Variants in CEP41 observed in about 807,000 individuals in gnomAD.
CEP41 encodes centrosomal protein of 41 kDa.
A neutral mutation model predicts 44.3 loss-of-function variants in CEP41; 32 were observed. The observed-to-expected ratio is 0.72, with a 90% CI of 0.54 to 0.97. The LOEUF is 0.97. CEP41 is among the 50% of genes least tolerant of loss of function. The pLI is 0.00. For missense variants in CEP41, 432 were observed against 455.2 expected, an observed-to-expected ratio of 0.95 and a Z score of 0.46; for synonymous variants, 151 against 168.5, an observed-to-expected ratio of 0.90 and a Z score of 0.80.
intron 2 of CEP41, chr7:130,421,742 T>C: frequency 6.7e-6 from 8 of 1,198,746 alleles, no homozygotes; most frequent in Non-Finnish European, 8.3e-6. Context: ...AATTGGAAAT[T>C]AGATTGAATA....
chr7:130,421,433 T>A, intron 2 of CEP41: 2 of 985,396 alleles, frequency 2.0e-6, no homozygotes, highest in Non-Finnish European at 2.4e-6. Context: ...CCTCAATAAG[T>A]GATATGTGTG....
At chr7:130,417,037 TG>T in intron 2 of CEP41, 71 bp from the exon 3 acceptor site, 3 of 1,383,564 alleles carry the variant, frequency 2.2e-6, no homozygotes, top group Non-Finnish European at 3.1e-6. Flanking sequence ...GGAAACAGAA[TG>T]GAGGAAAAGT....
At chr7:130,430,198 A>G (rs1797783108) in intron 1 of CEP41, among the ~76,000 whole-genome samples, 1 of 152,180 alleles carries the variant, frequency 6.6e-6, no homozygotes, top group Non-Finnish European at 1.5e-5. Flanking sequence ...AACTAGAGGC[A>G]CCTTTTAATA....
At chr7:130,425,186 G>A (rs974012004) in intron 2 of CEP41, among the ~76,000 whole-genome samples, 11 of 152,160 alleles carry the variant, frequency 7.2e-5, no homozygotes, top group African/African-American at 2.7e-4. Flanking sequence ...CAGCCAAGGC[G>A]GGTGGATCAC....
At chr7:130,440,863 T>C in intron 1 of CEP41, 71 bp downstream of exon 1, 1 of 1,470,048 alleles carries the variant, frequency 6.8e-7, no homozygotes, top group Non-Finnish European at 9.2e-7. Context: ...CTGGCTGCTC[T>C]TCCCTGCCCA....
At chr7:130,428,102 T>C in intron 1 of CEP41, 84 bp from the exon 2 acceptor site, 1 of 988,766 alleles carries the variant, frequency 1.0e-6, no homozygotes, top group Non-Finnish European at 1.6e-6. Flanking sequence ...ACTTTAAAAA[T>C]GGAAAAAAAG....
chr7:130,400,073 A>G lies in CEP41; in HGVS notation c.939T>C (p.Tyr313=). The change falls in exon 10 of 11, where the codon TAT becomes TAC. Residue 313 remains tyrosine (Y), a synonymous_variant. Transcript: ENST00000223208. ...CTGCAGGCCCTTGCTCCTCTTCCAG[A>G]TAATATTCTATCTTTTTTAAGTCTT... ...TPEDLKKIEY[Y]LEEEQGPADH... is the part of the protein sequence containing the mutation. 6.2e-7 allele frequency: 1 copy of G among 1,612,494 alleles called. No homozygotes were observed. Among genetic ancestry groups the G allele is most frequent in the Non-Finnish European group, 8.5e-7 (1 of 1,179,402 alleles).
rs782776244 is a variant in CEP41, at chr7:130,412,222, T to A, written c.164A>T (p.Asp55Val). Residue 55 changes from aspartate to valine, a missense_variant, in exon 4 of 11, where the codon GAT becomes GTT. Asp to Val is a radical substitution (Grantham distance 152). Coordinates refer to ENST00000223208, the MANE Select transcript of CEP41 (RefSeq NM_018718.3). ...EIKKNYRYKK[D>V]ELFKRLKVTT... is the part of the protein sequence containing the mutation. ...AACTTTTAGTCTCTTGAAAAGCTCA[T>A]CTTTTTTGTATCTATAATCTGAAAA... The A allele has an allele frequency of 2.6e-6, 4 of 1,551,382 alleles. No individual in the cohort carries two copies. The African/African-American group carries it at 4.1e-5, about 16-fold the overall frequency.
chr7:130,406,672 C>T (rs1797019998), intron 5 of CEP41, among the ~76,000 whole-genome samples: 1 of 151,826 alleles, frequency 6.6e-6, no homozygotes, highest in Non-Finnish European at 1.5e-5. Flanking sequence ...GATAACGTAC[C>T]TAGAAATTTT....
chr7:130,398,916 T>A lies in CEP41; in HGVS notation c.1097A>T (p.His366Leu). ...TTACTTCCAGGGTTTGCCTTGCAGG[T>A]GACCACTGCTGAGGGAGCGGGGGTT... The part of the protein sequence containing the change: ...HSNPRSLSSG[H>L]LQGKPWK The change falls in exon 11 of 11, where the codon CAC becomes CTC. Residue 366 changes from histidine to leucine, a missense_variant. Coordinates refer to ENST00000223208, the MANE Select transcript of CEP41 (RefSeq NM_018718.3). 1 of 1,614,242 alleles carries A rather than the reference T, an allele frequency of 6.2e-7. No homozygotes were observed. The highest frequency in any genetic ancestry group is 8.5e-7 in the Non-Finnish European group (1 of 1,180,040).
chr7:130,435,819 T>C (rs1339931978), intron 1 of CEP41, among the ~76,000 whole-genome samples: 1 of 152,144 alleles, frequency 6.6e-6, no homozygotes, highest in Non-Finnish European at 1.5e-5. Flanking sequence ...AGCCCAAAAC[T>C]GATGACAACC....
intron 7 of CEP41, 83 bp downstream of exon 7, chr7:130,402,565 G>T: frequency 6.9e-7 from 1 of 1,441,514 alleles, no homozygotes; most frequent in Non-Finnish European, 9.8e-7. Flanking sequence ...GTCTACCATG[G>T]GCTGTGGTTC....
rs1554414435 is a variant in CEP41 at position 130,396,167 on chromosome 7, G to A, written c.*2724C>T. The A allele has an allele frequency of 2.2e-6, 1 of 453,400 alleles. No homozygotes were observed. The highest frequency in any genetic ancestry group is 4.4e-6 in the Non-Finnish European group (1 of 226,714). 28.1% of individuals were successfully genotyped at this position (453,400 alleles called of 1,614,324 possible). A position where few individuals can be genotyped will look rare whatever the true frequency, so the allele number is the denominator to read the frequency against. On this transcript the variant is annotated 3_prime_UTR_variant, in exon 11 of 11. Coordinates refer to ENST00000223208, the MANE Select transcript of CEP41 (RefSeq NM_018718.3). ...CATTTAAGGTATTATTTAAACTTTGGCCATCACTGCTGTTCAGGGTGCTGT... is the reference window on the plus strand; with the variant it reads ...CATTTAAGGTATTATTTAAACTTTGACCATCACTGCTGTTCAGGGTGCTGT...
upstream of CEP41, chr7:130,441,358 A>G (rs189534270): frequency 1.6e-5 from 6 of 385,960 alleles, no homozygotes; most frequent in East Asian, 3.8e-4. Flanking sequence ...AACCATAAAT[A>G]CAACACAAGA....
chr7:130,395,505 A>G lies in CEP41; in HGVS notation c.*3386T>C, dbSNP rs552490309. Reference sequence around the variant, plus strand: ...TTCAGAGTAGAGCAAGAAGGTGGTCATGGATTTAAATCCAGGTGGACAGAA... The same window carrying G: ...TTCAGAGTAGAGCAAGAAGGTGGTCGTGGATTTAAATCCAGGTGGACAGAA... On this transcript the variant is annotated 3_prime_UTR_variant, in exon 11 of 11. Coordinates refer to ENST00000223208, the MANE Select transcript of CEP41 (RefSeq NM_018718.3). The G allele has an allele frequency of 1.3e-5, 6 of 454,162 alleles. No homozygotes were observed. Among genetic ancestry groups the G allele is most frequent in the East Asian group, 6.9e-5 (1 of 14,400 alleles). The allele number at this position is 454,162 out of a possible 1,614,324, so 28.1% of individuals were successfully genotyped here. A position where few individuals can be genotyped will look rare whatever the true frequency, so the allele number is the denominator to read the frequency against.
intron 2 of CEP41, chr7:130,419,899 T>C (rs548089643): frequency 3.0e-6 from 3 of 985,392 alleles, no homozygotes; most frequent in South Asian, 4.7e-5. Flanking sequence ...TATCACTGTA[T>C]TGTCTTACCT....
chr7:130,402,939 T>C, intron 6 of CEP41, 140 bp from the exon 7 acceptor site: 1 of 886,640 alleles, frequency 1.1e-6, no homozygotes, highest in Non-Finnish European at 1.9e-6. Flanking sequence ...ATGGACGTGG[T>C]GTCTCAGTTC....
chr7:130,410,505 C>G (rs1554419358), intron 5 of CEP41, among the ~76,000 whole-genome samples: 2 of 152,198 alleles, frequency 1.3e-5, no homozygotes, highest in Non-Finnish European at 1.5e-5. Flanking sequence ...ACTCAGGTCC[C>G]TTCCTTATTA....
rs141466840 is a variant in CEP41 at position 130,399,081 on chromosome 7, T to A, written c.974-42A>T. 4.3e-6 allele frequency: 7 copies of A among 1,609,842 alleles called. No individual in the cohort carries two copies. In the African/African-American group the frequency reaches 9.3e-5, roughly 21 times the overall value. ...AGAAGGAACAGAGCTGCAAGAATGA[T>A]TCCAGGGACAATCTGCCAAGTACAG... On this transcript the variant is annotated intron_variant, in intron 10 of 10. Transcript: ENST00000223208.
Sources: allele counts gnomAD v4.1 joint callset (sites outside exome capture counted in the v4.1 genomes callset), GRCh38; gene constraint gnomAD v4.1.1; transcripts MANE v1.5; gene names NCBI Gene and HGNC (gene_info 2026-07-23, HGNC 2026-07-21).